IFT122: variants seen among roughly 807,000 people sequenced by gnomAD.
The protein encoded by IFT122 is intraflagellar transport protein 122 homolog.
IFT122 carries 118 observed loss-of-function variants against 161.6 expected under a neutral mutation model. That is an observed-to-expected ratio of 0.73 (90% CI 0.63 to 0.85). IFT122 has a LOEUF of 0.85. IFT122 is among the 40% of genes least tolerant of loss of function. The pLI is 0.00. For synonymous variants in IFT122, 550 were observed against 602.4 expected (o/e 0.91, Z 1.27); for missense variants, 1,381 against 1,579.6 (o/e 0.87, Z 2.13).
intron 7 of IFT122, 43 bp from the exon 8 acceptor site, chr3:129,466,847 G>A (rs973823847): frequency 6.3e-7 from 1 of 1,580,470 alleles, no homozygotes; most frequent in African/African-American, 1.3e-5. Flanking sequence ...TTTTAGTGTA[G>A]TTCTAGGCAA....
At chr3:129,475,021 G>C (rs1439577028) in intron 9 of IFT122, among the ~76,000 whole-genome samples, 1 of 152,096 alleles carries the variant, frequency 6.6e-6, no homozygotes, top group Non-Finnish European at 1.5e-5. Context: ...TGAGTGTGGT[G>C]GTATATGCCT....
chr3:129,495,404 C>T, intron 17 of IFT122, 42 bp from the exon 18 acceptor site: 1 of 1,611,810 alleles, frequency 6.2e-7, no homozygotes, highest in Non-Finnish European at 8.5e-7. Context: ...GCTTCCTGCC[C>T]ATGGCTGCAG....
At chr3:129,459,281 A>T (rs1464521456) in intron 4 of IFT122, 1 of 452,268 alleles carries the variant, frequency 2.2e-6, no homozygotes, top group East Asian at 7.0e-5. Context: ...TACTGCATCT[A>T]TTTTTTGTTT....
In IFT122 at chr3:129,502,829, G is replaced by A. The variant is rs781249205; in HGVS notation, c.2494G>A (p.Gly832Ser). 3 of 1,613,086 alleles carry A rather than the reference G, an allele frequency of 1.9e-6. No homozygotes were observed. Among genetic ancestry groups the A allele is most frequent in the Non-Finnish European group, 2.5e-6 (3 of 1,180,038 alleles). Reference protein sequence around the residue: ...GYAAETYLKMGDLKSLVQLHV... With the variant: ...GYAAETYLKMSDLKSLVQLHV... ...TGCTGCTGAGACCTACCTGAAGATG[G>A]GTGACCTCAAGTCCCTGGTGCAGCT... Residue 832 changes from glycine to serine, a missense_variant, in exon 20 of 30, where the codon GGT (glycine) becomes AGT (serine). This residue lies in a region of IFT122 where 496 missense variants were observed against 502.5 expected (regional missense o/e 0.99). Coordinates refer to ENST00000348417, the MANE Select transcript of IFT122 (RefSeq NM_052989.3).
At chr3:129,445,353 A>T (rs1215363498) in intron 1 of IFT122, among the ~76,000 whole-genome samples, 2 of 152,052 alleles carry the variant, frequency 1.3e-5, no homozygotes, top group African/African-American at 4.8e-5. Flanking sequence ...AAACAAAAAA[A>T]CAGATTGCCT....
intron 29 of IFT122, among the ~76,000 whole-genome samples, 180 bp downstream of exon 29, chr3:129,519,912 C>T (rs981368016): frequency 1.4e-4 from 21 of 152,314 alleles, no homozygotes; most frequent in Admixed American, 1.3e-3. Flanking sequence ...GTGGACTTCA[C>T]TGGCCCCTGC....
Position 129,478,216 on chromosome 3 carries a change from C to A in IFT122, c.1348C>A (p.Gln450Lys). Reference protein sequence around the residue: ...VVCANHIILCQEKRLQCLSFS... With the variant: ...VVCANHIILCKEKRLQCLSFS... ...GTGTGCCAATCACATCATCCTGTGC[C>A]AGGTGGGCAGCAGCATGTTGAAGGA... The change falls in exon 12 of 30, where the codon CAG becomes AAG. Residue 450 changes from glutamine to lysine, a missense_variant and splice_region_variant. This residue lies in a region of IFT122 where 544 missense variants were observed against 648.0 expected (regional missense o/e 0.84). Coordinates refer to ENST00000348417, the MANE Select transcript of IFT122 (RefSeq NM_052989.3). The A allele has an allele frequency of 6.2e-7, 1 of 1,613,972 alleles. No individual in the cohort carries two copies. The highest frequency in any genetic ancestry group is 1.1e-5 in the South Asian group (1 of 91,078).
intron 24 of IFT122, chr3:129,513,492 A>T (rs1469117862): frequency 6.6e-6 from 1 of 152,500 alleles, no homozygotes; most frequent in South Asian, 2.1e-4. Flanking sequence ...CCTCTGCTGC[A>T]TGCGTCTCCG....
At chr3:129,472,241 C>T (rs997766822) in intron 9 of IFT122, among the ~76,000 whole-genome samples, 7 of 152,112 alleles carry the variant, frequency 4.6e-5, no homozygotes, top group African/African-American at 1.7e-4. Flanking sequence ...CAGCCTTGAT[C>T]CCCCTGGGCT....
chr3:129,456,222 A>G (rs2075462485), intron 3 of IFT122: 1 of 1,286,714 alleles, frequency 7.8e-7, no homozygotes, highest in Non-Finnish European at 1.0e-6. Context: ...TTTCATCACC[A>G]TCACCTGCTA....
chr3:129,462,264 A>C (rs926619271), intron 5 of IFT122, among the ~76,000 whole-genome samples: 1 of 152,240 alleles, frequency 6.6e-6, no homozygotes. Flanking sequence ...CCCTACCCTC[A>C]AGGAGCTTGT....
chr3:129,444,362 TC>T (rs1484666590), intron 1 of IFT122, among the ~76,000 whole-genome samples: 2 of 152,100 alleles, frequency 1.3e-5, no homozygotes, highest in Non-Finnish European at 2.9e-5. Context: ...AGTGTGATAA[TC>T]ATCCTTGTTC....
chr3:129,455,286 C>T (rs555963191), intron 3 of IFT122, among the ~76,000 whole-genome samples: 29 of 152,126 alleles, frequency 1.9e-4, no homozygotes, highest in African/African-American at 6.7e-4. Flanking sequence ...GATTCTCCTG[C>T]CTCAGCCTCC....
intron 18 of IFT122, among the ~76,000 whole-genome samples, chr3:129,499,076 C>T (rs1442757150): frequency 6.6e-6 from 1 of 152,214 alleles, no homozygotes; most frequent in Admixed American, 6.5e-5. Flanking sequence ...GGACCACAGC[C>T]ATCTCTTCCT....
chr3:129,467,882 T>TC (rs1340051829), intron 8 of IFT122, among the ~76,000 whole-genome samples: 1 of 152,210 alleles, frequency 6.6e-6, no homozygotes, highest in Non-Finnish European at 1.5e-5. Flanking sequence ...TGGCTTTGGG[T>TC]CCCCATCTCA....
intron 23 of IFT122, among the ~76,000 whole-genome samples, chr3:129,510,085 G>A (rs548006375): frequency 6.6e-6 from 1 of 152,248 alleles, no homozygotes; most frequent in East Asian, 1.9e-4. Context: ...TTTTTTCAGA[G>A]ATGAGGTCTC....
chr3:129,510,459 G>A (rs563418416), intron 23 of IFT122, among the ~76,000 whole-genome samples: 4 of 152,212 alleles, frequency 2.6e-5, no homozygotes, highest in South Asian at 2.1e-4. Flanking sequence ...TTCCTGAAAC[G>A]AGACCCCCTC....
At chr3:129,454,183 C>G (rs934033083) in intron 3 of IFT122, among the ~76,000 whole-genome samples, 2 of 152,028 alleles carry the variant, frequency 1.3e-5, no homozygotes, top group Non-Finnish European at 2.9e-5. Context: ...TAATTTTAGT[C>G]TGATTAGTCC....
At chr3:129,456,119 G>T (rs1174249687) in intron 3 of IFT122, 1 of 541,476 alleles carries the variant, frequency 1.8e-6, no homozygotes, top group Admixed American at 2.3e-5. Flanking sequence ...ATAAGGAAAT[G>T]AAAGCTCTTC....
Sources: allele counts gnomAD v4.1 joint callset (sites outside exome capture counted in the v4.1 genomes callset), GRCh38; gene constraint gnomAD v4.1.1; regional missense constraint gnomAD v4.1.1; transcripts MANE v1.5; gene names NCBI Gene and HGNC (gene_info 2026-07-23, HGNC 2026-07-21).